Variants in ANKHD1 observed in about 807,000 individuals in gnomAD.
ANKHD1 encodes the protein ankyrin repeat and KH domain-containing protein 1.
Under a neutral mutation model 230.5 loss-of-function variants are expected in ANKHD1, and 31 were observed. That is an observed-to-expected ratio of 0.13 (90% CI 0.10 to 0.18). ANKHD1 has a LOEUF of 0.18. Ranked by LOEUF, ANKHD1 falls within the 10% of genes least tolerant of loss-of-function variation. The pLI, the probability that ANKHD1 is intolerant of heterozygous loss-of-function variation, is 1.00. For synonymous variants in ANKHD1, 1,074 were observed against 1,117.6 expected, an observed-to-expected ratio of 0.96 and a Z score of 0.78; for missense variants, 2,256 against 3,071.3, an observed-to-expected ratio of 0.73 and a Z score of 6.27.
intron 10 of ANKHD1, among the ~76,000 whole-genome samples, chr5:140,478,515 A>G (rs973426264): frequency 6.6e-6 from 1 of 152,184 alleles, no homozygotes; most frequent in African/African-American, 2.4e-5. Context: ...TATATAAATT[A>G]TCAAAATTGA....
At chr5:140,406,174 G>T (rs1331604490) in intron 1 of ANKHD1, among the ~76,000 whole-genome samples, 5 of 151,622 alleles carry the variant, frequency 3.3e-5, no homozygotes, top group Admixed American at 6.6e-5. Flanking sequence ...GGAGGCAGAG[G>T]TTGCAGTGAG....
chr5:140,492,033 A>G (rs1383630876), intron 14 of ANKHD1, among the ~76,000 whole-genome samples: 1 of 152,212 alleles, frequency 6.6e-6, no homozygotes, highest in African/African-American at 2.4e-5. Context: ...AATGTAAAGT[A>G]AGAATTAAAT....
At chr5:140,420,706 G>C (rs1282951920) in intron 1 of ANKHD1, among the ~76,000 whole-genome samples, 1 of 152,172 alleles carries the variant, frequency 6.6e-6, no homozygotes, top group African/African-American at 2.4e-5. Context: ...CCCTATGCCA[G>C]TTCCACACTG....
chr5:140,492,532 T>C (rs1751853882), intron 14 of ANKHD1, among the ~76,000 whole-genome samples: 1 of 152,246 alleles, frequency 6.6e-6, no homozygotes, highest in South Asian at 2.1e-4. Flanking sequence ...CATCTGTTTA[T>C]CAAAACAGAA....
At chr5:140,456,305 A>C (rs1775186036) in intron 7 of ANKHD1, among the ~76,000 whole-genome samples, 1 of 152,220 alleles carries the variant, frequency 6.6e-6, no homozygotes, top group Non-Finnish European at 1.5e-5. Context: ...TTATAGATTC[A>C]ATGCCATCCC....
chr5:140,440,391 C>G (rs1412993208), intron 4 of ANKHD1, 125 bp downstream of exon 4: 21 of 1,353,426 alleles, frequency 1.6e-5, no homozygotes, highest in Non-Finnish European at 2.0e-5. Context: ...TCCTCCTTCC[C>G]TTTTTGGTAG....
chr5:140,505,337 G>A, intron 17 of ANKHD1, 104 bp downstream of exon 17: 1 of 1,277,084 alleles, frequency 7.8e-7, no homozygotes, highest in South Asian at 1.4e-5. Context: ...TGATAAGATG[G>A]ATAAGTATAT....
chr5:140,488,600 AT>A (rs1751615414), intron 14 of ANKHD1, among the ~76,000 whole-genome samples: 1 of 150,432 alleles, frequency 6.6e-6, no homozygotes, highest in African/African-American at 2.4e-5. Flanking sequence ...AAAAAAAAAA[AT>A]CATAAAAAAA....
chr5:140,486,852 A>G (rs927816337), intron 13 of ANKHD1, 106 bp from the exon 14 acceptor site: 5 of 1,142,670 alleles, frequency 4.4e-6, no homozygotes, highest in Admixed American at 6.5e-5. Flanking sequence ...ACAAAAGTGC[A>G]TTTGGTGGTA....
chr5:140,406,237 C>CAA (rs531153182), intron 1 of ANKHD1, among the ~76,000 whole-genome samples: 6 of 91,046 alleles, frequency 6.6e-5, no homozygotes, highest in African/African-American at 1.2e-4. Context: ...GACTCTGTCT[C>CAA]AAAAAAAAAA....
chr5:140,499,889 G>A (rs1384127449), intron 15 of ANKHD1, among the ~76,000 whole-genome samples: 1 of 146,338 alleles, frequency 6.8e-6, no homozygotes, highest in African/African-American at 2.5e-5. Flanking sequence ...TTTTTTTTGA[G>A]ATAGAGTCTC....
intron 1 of ANKHD1, among the ~76,000 whole-genome samples, chr5:140,428,241 G>A (rs377311408): frequency 5.3e-5 from 8 of 152,314 alleles, no homozygotes; most frequent in Admixed American, 2.6e-4. Flanking sequence ...GGTGGCGGCC[G>A]GGCAGAGGCT....
chr5:140,512,482 T>C (rs1752814449), intron 22 of ANKHD1, among the ~76,000 whole-genome samples: 1 of 152,196 alleles, frequency 6.6e-6, no homozygotes, highest in South Asian at 2.1e-4. Context: ...GTTTGTTTAA[T>C]AGATTTATTC....
chr5:140,464,645 T>G (rs753704732), intron 9 of ANKHD1, 22 bp from the exon 10 acceptor site: 2 of 1,522,516 alleles, frequency 1.3e-6, no homozygotes, highest in Non-Finnish European at 1.8e-6. Flanking sequence ...ACAAAGTAAA[T>G]GTATGCTTTT....
intron 1 of ANKHD1, among the ~76,000 whole-genome samples, chr5:140,407,873 CTT>C (rs1381038238): frequency 6.6e-6 from 1 of 151,958 alleles, no homozygotes; most frequent in African/African-American, 2.4e-5. Flanking sequence ...TGACGGCCCT[CTT>C]TTAAAATTAT....
At chr5:140,432,762 C>T (rs72798874) in intron 1 of ANKHD1, among the ~76,000 whole-genome samples, 29,676 of 151,832 alleles carry the variant, frequency 0.2, 3,379 homozygotes, top group East Asian at 0.29. Flanking sequence ...ACATGGAATA[C>T]AGTCGTACAA....
chr5:140,419,119 T>C (rs1350013993), intron 1 of ANKHD1, among the ~76,000 whole-genome samples: 1 of 152,088 alleles, frequency 6.6e-6, no homozygotes, highest in African/African-American at 2.4e-5. Context: ...TAACATTTGT[T>C]ATTTTTCTTT....
chr5:140,414,305 C>A (rs1771178308), intron 1 of ANKHD1, among the ~76,000 whole-genome samples: 1 of 152,148 alleles, frequency 6.6e-6, no homozygotes, highest in African/African-American at 2.4e-5. Flanking sequence ...TTTGACATTC[C>A]TAACAGCAAA....
At chr5:140,494,748 T>G (rs1230492562) in intron 14 of ANKHD1, among the ~76,000 whole-genome samples, 1 of 152,202 alleles carries the variant, frequency 6.6e-6, no homozygotes, top group Non-Finnish European at 1.5e-5. Context: ...TCTTTTTTCC[T>G]TTGGACTTGA....
Sources: allele counts gnomAD v4.1 joint callset (sites outside exome capture counted in the v4.1 genomes callset), GRCh38; gene constraint gnomAD v4.1.1; transcripts MANE v1.5; gene names NCBI Gene and HGNC (gene_info 2026-07-23, HGNC 2026-07-21).